Variants in UNC5D observed in about 807,000 individuals in gnomAD.
UNC5D encodes unc-5 netrin receptor D, also known as netrin receptor UNC5D.
In UNC5D, 39 loss-of-function variants were observed where a neutral mutation model predicts 105.4. The observed-to-expected ratio is 0.37, with a 90% CI of 0.29 to 0.48. The LOEUF is 0.48. Ranked by LOEUF, UNC5D falls within the 20% of genes least tolerant of loss-of-function variation. The pLI is 0.98. For missense variants in UNC5D, 991 were observed against 1,202.4 expected, an observed-to-expected ratio of 0.82 and a Z score of 2.60; for synonymous variants, 452 against 450.4, an observed-to-expected ratio of 1.00 and a Z score of -0.04.
chr8:35,444,619 A>T (rs1585858459), intron 1 of UNC5D, among the ~76,000 whole-genome samples: 1 of 152,118 alleles, frequency 6.6e-6, no homozygotes, highest in Middle Eastern at 3.4e-3. Context: ...TGCCTTCATT[A>T]ATCCTAGCCT....
intron 1 of UNC5D, among the ~76,000 whole-genome samples, chr8:35,450,645 C>T (rs758442188): frequency 8.6e-5 from 13 of 152,044 alleles, no homozygotes; most frequent in South Asian, 4.2e-4. Flanking sequence ...TTATTTCTGA[C>T]GGTAATCTGC....
At position 35,795,301 on chromosome 8, in the gene UNC5D, A is replaced by T. The variant is rs1199869324; in HGVS notation, c.*4738A>T. 6.6e-6 allele frequency: 1 copy of T among 152,188 alleles called. No individual in the cohort carries two copies. The highest frequency in any genetic ancestry group is 1.5e-5 in the Non-Finnish European group (1 of 68,028). The allele number at this position is 152,188 out of a possible 1,614,324, so 9.4% of individuals were successfully genotyped here. A position where few individuals can be genotyped will look rare whatever the true frequency, so the allele number is the denominator to read the frequency against. On this transcript the variant is annotated 3_prime_UTR_variant, in exon 17 of 17. Transcript: ENST00000404895. The stretch of plus-strand genomic sequence containing the variant: ...TCAAAATACTTTCACAAAAGGCATG[A>T]TTACAATGGAAATGCCCCTTTGCCT...
chr8:35,416,705 GA>G (rs745809749), intron 1 of UNC5D, among the ~76,000 whole-genome samples: 22 of 151,232 alleles, frequency 1.5e-4, no homozygotes, highest in Non-Finnish European at 3.0e-4. Context: ...CCAACTGGAA[GA>G]GAAAAAAAAA....
At chr8:35,600,459 C>A (rs1225935621) in intron 4 of UNC5D, among the ~76,000 whole-genome samples, 3 of 152,160 alleles carry the variant, frequency 2.0e-5, no homozygotes, top group Non-Finnish European at 4.4e-5. Context: ...TCCTCTCCAG[C>A]ACCTGTTGTT....
intron 14 of UNC5D, among the ~76,000 whole-genome samples, chr8:35,764,350 G>T (rs946558266): frequency 8.5e-5 from 13 of 152,124 alleles, no homozygotes; most frequent in African/African-American, 3.1e-4. Context: ...GATGGCAGTT[G>T]GGGCACGTGT....
chr8:35,481,135 T>G (rs1009260720), intron 1 of UNC5D, among the ~76,000 whole-genome samples: 2 of 152,186 alleles, frequency 1.3e-5, no homozygotes, highest in African/African-American at 4.8e-5. Flanking sequence ...TTCTAACACA[T>G]AAAGCTGAGC....
In UNC5D at chr8:35,734,335, C is replaced by CAAA. The variant is rs10657691; in HGVS notation, c.1766+3264_1766+3266dup. 2.4e-3 allele frequency among the ~76,000 whole-genome samples: 69 copies of CAAA among 28,258 alleles called. 6 individuals carry two copies. Among genetic ancestry groups the CAAA allele is most frequent in the African/African-American group, 5.4e-3 (51 of 9,476 alleles). The allele number at this position is 28,258 out of a possible 152,430, so 18.5% of individuals were successfully genotyped here. A position where few individuals can be genotyped will look rare whatever the true frequency, so the allele number is the denominator to read the frequency against. ...GGAGGAAACCAGCAGTAATCACTGT[C>CAAA]AAAAAAAAAAAAAAAAAAAAAAAAA... On this transcript the variant is annotated intron_variant, in intron 11 of 16. Coordinates refer to ENST00000404895, the MANE Select transcript of UNC5D (RefSeq NM_080872.4).
At chr8:35,660,268 T>G (rs1346723009) in intron 4 of UNC5D, among the ~76,000 whole-genome samples, 2 of 152,106 alleles carry the variant, frequency 1.3e-5, no homozygotes, top group Admixed American at 1.3e-4. Flanking sequence ...TCTATTACGG[T>G]TTTGCCTAGA....
chr8:35,460,690 T>C (rs965780762), intron 1 of UNC5D, among the ~76,000 whole-genome samples: 4 of 152,254 alleles, frequency 2.6e-5, no homozygotes, highest in African/African-American at 9.6e-5. Context: ...GCAAGCTGCT[T>C]GAAGCCTTTG....
chr8:35,395,850 T>C (rs1397388041), intron 1 of UNC5D, among the ~76,000 whole-genome samples: 1 of 152,196 alleles, frequency 6.6e-6, no homozygotes, highest in African/African-American at 2.4e-5. Flanking sequence ...GTGTGGCCCA[T>C]AGCTGCAGGA....
intron 4 of UNC5D, among the ~76,000 whole-genome samples, chr8:35,611,341 C>T (rs1018554075): frequency 1.3e-5 from 2 of 152,262 alleles, no homozygotes; most frequent in Admixed American, 1.3e-4. Context: ...CAAAAAGCTT[C>T]GTGGCCCCAT....
intron 1 of UNC5D, among the ~76,000 whole-genome samples, chr8:35,476,268 A>T (rs1810092533): frequency 6.6e-6 from 1 of 152,202 alleles, no homozygotes; most frequent in Non-Finnish European, 1.5e-5. Flanking sequence ...TCACAAGTAC[A>T]CTGGAATAGG....
At chr8:35,372,226 C>T (rs868634013) in intron 1 of UNC5D, among the ~76,000 whole-genome samples, 4 of 152,038 alleles carry the variant, frequency 2.6e-5, no homozygotes, top group South Asian at 4.1e-4. Context: ...TGGGGTCAAG[C>T]GATCCTCCCA....
Position 35,478,246 on chromosome 8 carries a change from T to C in UNC5D, c.104-71046T>C, listed in dbSNP as rs150021671. Among the ~76,000 whole-genome samples, 5 of 152,254 alleles carry C rather than the reference T, an allele frequency of 3.3e-5. No homozygotes were observed. The East Asian group carries it at 9.7e-4, about 29-fold the overall frequency. On this transcript the variant is annotated intron_variant, in intron 1 of 16. Transcript: ENST00000404895. ...TTCCACAATTTGAAAAAATAATATG[T>C]GAGCCCACATCAGAAAGTCAACACA...
intron 1 of UNC5D, among the ~76,000 whole-genome samples, chr8:35,372,081 A>G (rs996913847): frequency 6.6e-6 from 1 of 152,086 alleles, no homozygotes; most frequent in African/African-American, 2.4e-5. Flanking sequence ...GGGAAGATGT[A>G]TTATTTGATT....
intron 1 of UNC5D, among the ~76,000 whole-genome samples, chr8:35,280,933 TA>T (rs1180871153): frequency 6.6e-6 from 1 of 152,210 alleles, no homozygotes; most frequent in Non-Finnish European, 1.5e-5. Context: ...AATAGAGTTC[TA>T]AAATGATATT....
chr8:35,439,215 T>A (rs1039718296), intron 1 of UNC5D, among the ~76,000 whole-genome samples: 1 of 152,042 alleles, frequency 6.6e-6, no homozygotes, highest in Non-Finnish European at 1.5e-5. Flanking sequence ...ATTCTCATCA[T>A]CATGTCTGTG....
intron 1 of UNC5D, among the ~76,000 whole-genome samples, chr8:35,265,652 C>T (rs1479065687): frequency 1.3e-5 from 2 of 152,014 alleles, no homozygotes; most frequent in Non-Finnish European, 2.9e-5. Flanking sequence ...GGGCGGATCA[C>T]CAGGTCAGGA....
rs186660783 is a variant in UNC5D, at chr8:35,304,237, A to C, written c.103+68350A>C. 3.3e-3 allele frequency among the ~76,000 whole-genome samples: 496 copies of C among 152,264 alleles called. 5 individuals are homozygous for C. Among genetic ancestry groups the C allele is most frequent in the African/African-American group, 0.011 (470 of 41,564 alleles). ...TTCTCAATAATGGCCTCTCTGATAC[A>C]GACATGGTTCTCAGGGAAGATATTT... On this transcript the variant is annotated intron_variant, in intron 1 of 16. Coordinates refer to ENST00000404895, the MANE Select transcript of UNC5D (RefSeq NM_080872.4).
Sources: gnomAD v4.1 joint callset for allele counts (sites outside exome capture counted in the v4.1 genomes callset) on GRCh38, gnomAD v4.1.1 for gene constraint, MANE v1.5 for transcripts, NCBI Gene and HGNC (gene_info 2026-07-23, HGNC 2026-07-21) for gene names.